MAPK10: variants seen among roughly 807,000 people sequenced by gnomAD.
MAPK10 encodes mitogen-activated protein kinase 10, also known as JNK3 alpha protein kinase.
Under a neutral mutation model 59.3 loss-of-function variants are expected in MAPK10, and 25 were observed. The observed-to-expected ratio is 0.42, with a 90% confidence interval of 0.31 to 0.59. The LOEUF (loss-of-function observed/expected upper bound fraction) is 0.59, where lower values mean the gene tolerates loss of function less well. MAPK10 is among the 20% of genes least tolerant of loss of function. The pLI, the probability that MAPK10 is intolerant of heterozygous loss-of-function variation, is 0.15. For synonymous variants in MAPK10, 190 were observed against 200.5 expected, an observed-to-expected ratio of 0.95 and a Z score of 0.44; for missense variants, 351 against 568.9, an observed-to-expected ratio of 0.62 and a Z score of 3.90.
At chr4:86,291,147 T>C (rs1252852945) in intron 2 of MAPK10, among the ~76,000 whole-genome samples, 2 of 152,330 alleles carry the variant, frequency 1.3e-5, no homozygotes, top group South Asian at 2.1e-4. Flanking sequence ...CTGTGCATGA[T>C]AGCAAAAACA....
intron 11 of MAPK10, among the ~76,000 whole-genome samples, chr4:86,036,468 GTCAC>G (rs2040323293): frequency 6.6e-6 from 1 of 151,610 alleles, no homozygotes. Flanking sequence ...GTTAAAGGAA[GTCAC>G]TTTTTTTCTG....
intron 2 of MAPK10, among the ~76,000 whole-genome samples, chr4:86,292,926 C>T (rs952297457): frequency 2.6e-5 from 4 of 152,150 alleles, no homozygotes; most frequent in African/African-American, 9.7e-5. Context: ...AGGCTACACC[C>T]CTCCTCTTAT....
At chr4:86,139,731 T>G (rs2063170812) in intron 4 of MAPK10, among the ~76,000 whole-genome samples, 1 of 151,972 alleles carries the variant, frequency 6.6e-6, no homozygotes, top group Non-Finnish European at 1.5e-5. Context: ...GAAACTACCA[T>G]CAGAGTAGCA....
intron 3 of MAPK10, among the ~76,000 whole-genome samples, chr4:86,189,592 T>C (rs1271359500): frequency 6.6e-6 from 1 of 152,202 alleles, no homozygotes; most frequent in Non-Finnish European, 1.5e-5. Context: ...ATTTGCAAAT[T>C]GACTTTGTAT....
chr4:86,333,534 C>T (rs1267207256), intron 2 of MAPK10, among the ~76,000 whole-genome samples: 1 of 152,186 alleles, frequency 6.6e-6, no homozygotes, highest in Non-Finnish European at 1.5e-5. Context: ...TGTCACTAAA[C>T]CTAAGGGGCA....
intron 1 of MAPK10, among the ~76,000 whole-genome samples, chr4:86,490,241 C>A (rs970474834): frequency 6.6e-6 from 1 of 152,108 alleles, no homozygotes; most frequent in African/African-American, 2.4e-5. Flanking sequence ...TATCTTTGGT[C>A]TCCCTCCCCA....
intron 3 of MAPK10, among the ~76,000 whole-genome samples, chr4:86,178,499 A>G (rs1316692769): frequency 1.3e-5 from 2 of 152,112 alleles, no homozygotes; most frequent in Non-Finnish European, 2.9e-5. Flanking sequence ...TTTATATTAC[A>G]CAAATTACAA....
Position 86,359,850 on chromosome 4 carries a change from A to C in MAPK10, c.-314T>G. Reference sequence around the variant, plus strand: ...TCTTAAACTCACTCAAGCCCCTAGGAATTGAGGGGTGAGGACAAAAAAGGA... The same window carrying C: ...TCTTAAACTCACTCAAGCCCCTAGGCATTGAGGGGTGAGGACAAAAAAGGA... On this transcript the variant is annotated 5_prime_UTR_variant, in exon 1 of 14. The change creates a new upstream start codon in the 5' untranslated region. Coordinates refer to ENST00000641462, the MANE Select transcript of MAPK10 (RefSeq NM_138982.4). 2.0e-6 allele frequency: 2 copies of C among 985,748 alleles called. No homozygotes were observed. Among genetic ancestry groups the C allele is most frequent in the South Asian group, 9.4e-5 (2 of 21,286 alleles). The allele number at this position is 985,748 out of a possible 1,614,324, so 61.1% of individuals were successfully genotyped here.
chr4:86,115,350 G>A (rs1356739850), intron 4 of MAPK10, among the ~76,000 whole-genome samples: 1 of 152,090 alleles, frequency 6.6e-6, no homozygotes, highest in African/African-American at 2.4e-5. Context: ...TCCTCACTCT[G>A]CATGGGTCAT....
intron 1 of MAPK10, among the ~76,000 whole-genome samples, chr4:86,538,948 A>G (rs1758459695): frequency 6.6e-6 from 1 of 152,174 alleles, no homozygotes; most frequent in Non-Finnish European, 1.5e-5. Flanking sequence ...TTAAAAACCT[A>G]CAAGATATTA....
chr4:86,494,721 C>T (rs1564947356), intron 1 of MAPK10, among the ~76,000 whole-genome samples: 1 of 151,330 alleles, frequency 6.6e-6, no homozygotes, highest in Admixed American at 6.6e-5. Flanking sequence ...CGGGTGCCTG[C>T]AGTCCCAGCT....
At position 86,245,969 on chromosome 4, in the gene MAPK10, C is replaced by A. The variant is rs190494421; in HGVS notation, c.-6-51562G>T. Among the ~76,000 whole-genome samples, 149 of 152,238 alleles carry A rather than the reference C, an allele frequency of 9.8e-4. 2 individuals carry two copies. The highest frequency in any genetic ancestry group is 3.5e-3 in the African/African-American group (145 of 41,542). ...CCATCAGGTTGGCATAATAAACACT[C>A]TTAGAATAAATAGGCAAATAATGTT... On this transcript the variant is annotated intron_variant, in intron 2 of 13. Coordinates refer to ENST00000641462, the MANE Select transcript of MAPK10 (RefSeq NM_138982.4).
At chr4:86,034,098 T>C (rs1305994738) in intron 11 of MAPK10, among the ~76,000 whole-genome samples, 3 of 152,122 alleles carry the variant, frequency 2.0e-5, no homozygotes, top group African/African-American at 7.2e-5. Context: ...GCCCCAGAGG[T>C]GTCTGTTGAG....
chr4:86,121,274 G>T (rs2059197103), intron 4 of MAPK10, among the ~76,000 whole-genome samples: 1 of 152,168 alleles, frequency 6.6e-6, no homozygotes, highest in African/African-American at 2.4e-5. Flanking sequence ...TTTGGTGACT[G>T]GTGAGGGCTT....
At chr4:86,162,578 A>G (rs2070159014) in intron 3 of MAPK10, among the ~76,000 whole-genome samples, 1 of 151,912 alleles carries the variant, frequency 6.6e-6, no homozygotes, top group South Asian at 2.1e-4. Flanking sequence ...ACGCATGTGA[A>G]CGCTTCTCTT....
At position 86,309,489 on chromosome 4, in the gene MAPK10, C is replaced by A. The variant is rs147246404; in HGVS notation, c.-7+45041G>T. ...TGCAGCCTACATTCAACAGTCTGCACGGTAATTGCATTAAGGAGATGCTTC... is the reference window on the plus strand; with the variant it reads ...TGCAGCCTACATTCAACAGTCTGCAAGGTAATTGCATTAAGGAGATGCTTC... On this transcript the variant is annotated intron_variant, in intron 2 of 13. Transcript: ENST00000641462. Among the ~76,000 whole-genome samples, 1,447 of 152,266 alleles carry A rather than the reference C, an allele frequency of 9.5e-3. 22 individuals carry two copies. Among genetic ancestry groups the A allele is most frequent in the African/African-American group, 0.032 (1,349 of 41,554 alleles).
intron 1 of MAPK10, among the ~76,000 whole-genome samples, chr4:86,422,805 T>C (rs1746709510): frequency 1.3e-5 from 2 of 152,052 alleles, no homozygotes; most frequent in African/African-American, 4.8e-5. Context: ...GCTATCGAAA[T>C]GAGAACAGCC....
intron 1 of MAPK10, among the ~76,000 whole-genome samples, chr4:86,489,113 G>C (rs1346985677): frequency 2.0e-5 from 3 of 152,132 alleles, no homozygotes; most frequent in Non-Finnish European, 4.4e-5. Flanking sequence ...TACAGGACCA[G>C]CCAACCCCTA....
intron 1 of MAPK10, among the ~76,000 whole-genome samples, chr4:86,395,388 CAT>C (rs1451764173): frequency 3.3e-5 from 5 of 152,146 alleles, no homozygotes; most frequent in East Asian, 1.9e-4. Context: ...TGTTAGCTAA[CAT>C]GTGTCAACAT....
Sources: gnomAD v4.1 joint callset for allele counts (sites outside exome capture counted in the v4.1 genomes callset) on GRCh38, gnomAD v4.1.1 for gene constraint, MANE v1.5 for transcripts, NCBI Gene and HGNC (gene_info 2026-07-23, HGNC 2026-07-21) for gene names.